Variants in LUZP2 observed in about 807,000 individuals in gnomAD.
The protein encoded by LUZP2 is leucine zipper protein 2.
A neutral mutation model predicts 51.6 loss-of-function variants in LUZP2; 52 were observed. The ratio of observed to expected loss-of-function variants is 1.01; its 90% confidence interval spans 0.81 to 1.27. The LOEUF is 1.27. LUZP2 is among the 50% of genes most tolerant of loss of function. The pLI is 0.00. For synonymous variants in LUZP2, 154 were observed against 137.3 expected (o/e 1.12, Z -0.85); for missense variants, 436 against 395.4 (o/e 1.10, Z -0.87).
intron 10 of LUZP2, among the ~76,000 whole-genome samples, chr11:25,059,826 T>C (rs898453409): frequency 3.9e-5 from 6 of 152,192 alleles, no homozygotes. Context: ...AGAATTAATA[T>C]GTTGACCACA....
rs1852194305 is a variant in LUZP2 at position 24,565,759 on chromosome 11, C to A, written c.62+68454C>A. ...AACAGCAAGATAATACTAAAAAGTG[C>A]CTTACCACAAACCAAAAGTAAACAA... On this transcript the variant is annotated intron_variant, in intron 1 of 11. Coordinates refer to ENST00000336930, the MANE Select transcript of LUZP2 (RefSeq NM_001009909.4). Among the ~76,000 whole-genome samples the A allele has an allele frequency of 2.6e-5, 4 of 152,012 alleles. No individual in the cohort carries two copies. In the South Asian group the frequency reaches 6.2e-4, roughly 24 times the overall value.
chr11:24,835,390 T>C (rs1291316087), intron 5 of LUZP2, among the ~76,000 whole-genome samples: 1 of 152,112 alleles, frequency 6.6e-6, no homozygotes, highest in Admixed American at 6.6e-5. Flanking sequence ...ATTCAGGACA[T>C]AGGCATGGGC....
At chr11:24,754,110 C>T (rs2134014546) in intron 4 of LUZP2, among the ~76,000 whole-genome samples, 1 of 152,208 alleles carries the variant, frequency 6.6e-6, no homozygotes, top group South Asian at 2.1e-4. Context: ...CCATGACTCT[C>T]TCTTCTCTTT....
intron 1 of LUZP2, among the ~76,000 whole-genome samples, chr11:24,517,483 C>CTCAAAA (rs1850506174): frequency 2.3e-5 from 1 of 44,154 alleles, no homozygotes; most frequent in Non-Finnish European, 3.9e-5. Context: ...CAGACGCCGT[C>CTCAAAA]AAAAAAAAAA....
At chr11:24,756,594 A>G (rs1417826380) in intron 4 of LUZP2, among the ~76,000 whole-genome samples, 1 of 152,130 alleles carries the variant, frequency 6.6e-6, no homozygotes, top group Admixed American at 6.6e-5. Context: ...AAGCAGTGCT[A>G]GCAAATCTCA....
At chr11:24,670,090 A>G (rs185905025) in intron 1 of LUZP2, among the ~76,000 whole-genome samples, 3 of 152,196 alleles carry the variant, frequency 2.0e-5, no homozygotes, top group Admixed American at 2.0e-4. Flanking sequence ...CTGAAGGAGT[A>G]TAATGTAGTC....
intron 8 of LUZP2, 52 bp from the exon 9 acceptor site, chr11:24,983,074 T>A (rs1331925317): frequency 1.3e-6 from 2 of 1,566,456 alleles, no homozygotes; most frequent in Non-Finnish European, 1.7e-6. Flanking sequence ...TGCAAGCAGA[T>A]AATTGATGAG....
intron 9 of LUZP2, among the ~76,000 whole-genome samples, chr11:25,015,353 AG>A (rs1394256994): frequency 2.6e-5 from 4 of 152,204 alleles, no homozygotes; most frequent in Admixed American, 6.5e-5. Context: ...ATCAAAACAA[AG>A]AAGTTAGCAT....
chr11:25,024,762 C>G lies in LUZP2; in HGVS notation c.766-25276C>G, dbSNP rs189667530. ...TTCAATGCCATCCCCGTCAAGCTACCAATGACTTTCTTCACAGAATTGGAA... is the reference window on the plus strand; with the variant it reads ...TTCAATGCCATCCCCGTCAAGCTACGAATGACTTTCTTCACAGAATTGGAA... On this transcript the variant is annotated intron_variant, in intron 9 of 11. Coordinates refer to ENST00000336930, the MANE Select transcript of LUZP2 (RefSeq NM_001009909.4). 1.0e-3 allele frequency among the ~76,000 whole-genome samples: 154 copies of G among 150,574 alleles called. No homozygotes were observed. In the East Asian group the frequency reaches 0.026, roughly 26 times the overall value.
At chr11:24,526,907 T>C (rs1850825092) in intron 1 of LUZP2, among the ~76,000 whole-genome samples, 1 of 151,358 alleles carries the variant, frequency 6.6e-6, no homozygotes, top group African/African-American at 2.4e-5. Context: ...TACTCTCTGT[T>C]TGAAGGTGGC....
chr11:24,571,356 C>T (rs1285049280), intron 1 of LUZP2, among the ~76,000 whole-genome samples: 1 of 141,964 alleles, frequency 7.0e-6, no homozygotes, highest in South Asian at 2.2e-4. Flanking sequence ...TCAGGTTTTC[C>T]TCTGGTGAAT....
intron 1 of LUZP2, among the ~76,000 whole-genome samples, chr11:24,604,163 T>C (rs1246185652): frequency 1.3e-5 from 2 of 151,884 alleles, no homozygotes; most frequent in Non-Finnish European, 2.9e-5. Flanking sequence ...TATTTTGTAT[T>C]TTCTGCCATA....
At chr11:24,800,813 T>C (rs1394606302) in intron 5 of LUZP2, among the ~76,000 whole-genome samples, 1 of 152,168 alleles carries the variant, frequency 6.6e-6, no homozygotes, top group Admixed American at 6.6e-5. Flanking sequence ...ACATTTGCTT[T>C]CCCTAGAATT....
At chr11:24,978,041 T>C (rs571144755) in intron 8 of LUZP2, among the ~76,000 whole-genome samples, 1 of 151,706 alleles carries the variant, frequency 6.6e-6, no homozygotes, top group East Asian at 1.9e-4. Context: ...TTTGCAATAG[T>C]ACACTGTATA....
intron 7 of LUZP2, among the ~76,000 whole-genome samples, chr11:24,975,026 G>A (rs1184228118): frequency 1.3e-5 from 2 of 151,980 alleles, no homozygotes; most frequent in African/African-American, 4.8e-5. Context: ...TCCACCAGCA[G>A]TTTGACTGTA....
chr11:24,954,184 T>C (rs1334239378), intron 7 of LUZP2, among the ~76,000 whole-genome samples: 4 of 152,006 alleles, frequency 2.6e-5, no homozygotes, highest in Non-Finnish European at 5.9e-5. Flanking sequence ...AACACAAATC[T>C]TTGTACAGTG....
At chr11:24,883,247 C>T (rs1036305681) in intron 5 of LUZP2, among the ~76,000 whole-genome samples, 6 of 145,336 alleles carry the variant, frequency 4.1e-5, no homozygotes, top group South Asian at 2.1e-4. Flanking sequence ...ACGTTAAGAG[C>T]GTAGGAAGAA....
In LUZP2 at chr11:24,810,599, C is replaced by T. The variant is rs73426036; in HGVS notation, c.396+47291C>T. Among the ~76,000 whole-genome samples the T allele has an allele frequency of 7.9e-3, 1,200 of 152,096 alleles. 15 individuals carry two copies. Among genetic ancestry groups the T allele is most frequent in the African/African-American group, 0.02 (833 of 41,490 alleles). ...CGTGCTCTTATAAAGCTTACTTCCT[C>T]GTGGGTGAGATAGAAGTTAAGATAC... On this transcript the variant is annotated intron_variant, in intron 5 of 11. Transcript: ENST00000336930.
chr11:24,877,528 AAAGT>A (rs773866917), intron 5 of LUZP2, among the ~76,000 whole-genome samples: 21 of 152,156 alleles, frequency 1.4e-4, no homozygotes, highest in Non-Finnish European at 2.5e-4. Flanking sequence ...CATGCAATGT[AAAGT>A]AATCACATCA....
Sources: allele counts gnomAD v4.1 joint callset (sites outside exome capture counted in the v4.1 genomes callset), GRCh38; gene constraint gnomAD v4.1.1; transcripts MANE v1.5; gene names NCBI Gene and HGNC (gene_info 2026-07-23, HGNC 2026-07-21).